The following TNIK variants were observed in gnomAD, a reference collection of about 807,000 sequenced individuals.
TNIK encodes the protein TRAF2 and NCK interacting kinase.
A neutral mutation model predicts 191.3 loss-of-function variants in TNIK; 49 were observed. The ratio of observed to expected loss-of-function variants is 0.26; its 90% confidence interval spans 0.20 to 0.32. The LOEUF (loss-of-function observed/expected upper bound fraction) is 0.32, where lower values mean the gene tolerates loss of function less well. Ranked by LOEUF, TNIK falls within the 10% of genes least tolerant of loss-of-function variation. The probability of loss-of-function intolerance (pLI) is 1.00; values close to 1 mark genes in which losing one functional copy is unlikely to be tolerated. For synonymous variants in TNIK, 594 were observed against 600.9 expected (o/e 0.99, Z 0.17); for missense variants, 1,155 against 1,702.3 (o/e 0.68, Z 5.66).
At chr3:171,449,100 G>A (rs984924528) in intron 1 of TNIK, among the ~76,000 whole-genome samples, 9 of 152,020 alleles carry the variant, frequency 5.9e-5, no homozygotes, top group African/African-American at 2.2e-4. Context: ...TTTTATGGCT[G>A]TGTAGCATTC....
intron 3 of TNIK, 54 bp downstream of exon 3, chr3:171,228,111 A>C (rs991759656): frequency 1.9e-6 from 3 of 1,594,868 alleles, no homozygotes; most frequent in Non-Finnish European, 2.6e-6. Context: ...TGAACTCATC[A>C]TAAGTCAAGG....
chr3:171,133,586 G>A (rs71306694), intron 15 of TNIK, among the ~76,000 whole-genome samples: 13,628 of 152,180 alleles, frequency 0.09, 685 homozygotes, highest in African/African-American at 0.13. Flanking sequence ...CAGGAGACAC[G>A]CCCTAGGTCA....
At chr3:171,234,846 C>T (rs985264612) in intron 2 of TNIK, among the ~76,000 whole-genome samples, 14 of 152,092 alleles carry the variant, frequency 9.2e-5, no homozygotes, top group Admixed American at 1.3e-4. Context: ...TGAGGGGTGA[C>T]GAGAACTCAA....
At chr3:171,243,812 G>C (rs147523955) in intron 2 of TNIK, among the ~76,000 whole-genome samples, 83 of 152,130 alleles carry the variant, frequency 5.5e-4, no homozygotes, top group African/African-American at 1.9e-3. Context: ...TCAACTCATG[G>C]CATCTTATTT....
chr3:171,343,019 C>A (rs756782249), intron 2 of TNIK, among the ~76,000 whole-genome samples: 17 of 152,302 alleles, frequency 1.1e-4, no homozygotes, highest in Admixed American at 2.0e-4. Flanking sequence ...AATAATGAGG[C>A]CCTCCCCAGC....
At chr3:171,179,723 T>C (rs1032413348) in intron 7 of TNIK, among the ~76,000 whole-genome samples, 4 of 152,206 alleles carry the variant, frequency 2.6e-5, no homozygotes, top group African/African-American at 9.6e-5. Context: ...GTGCTGGGAT[T>C]ACAGGCATGA....
intron 1 of TNIK, among the ~76,000 whole-genome samples, chr3:171,459,776 G>C (rs1435883347): frequency 1.3e-5 from 2 of 151,918 alleles, no homozygotes; most frequent in Admixed American, 1.3e-4. Context: ...ACGAGCCCTC[G>C]GGAGAGCCTA....
chr3:171,099,114 C>A (rs16855813), intron 22 of TNIK, among the ~76,000 whole-genome samples: 12,238 of 152,080 alleles, frequency 0.08, 1,620 homozygotes, highest in African/African-American at 0.27. Flanking sequence ...ATAGTAATAG[C>A]GCCTCTGAAT....
At chr3:171,073,760 A>G (rs951082737) in intron 28 of TNIK, among the ~76,000 whole-genome samples, 8 of 152,234 alleles carry the variant, frequency 5.3e-5, no homozygotes, top group African/African-American at 1.2e-4. Flanking sequence ...CAAATGCTCA[A>G]TATCACTGAA....
At chr3:171,201,523 G>A (rs73171528) in intron 4 of TNIK, among the ~76,000 whole-genome samples, 27,734 of 152,160 alleles carry the variant, frequency 0.18, 3,188 homozygotes, top group South Asian at 0.27. Context: ...TTCATCATGT[G>A]TGGCTGAAAA....
intron 2 of TNIK, among the ~76,000 whole-genome samples, chr3:171,301,687 A>C (rs1009894909): frequency 1.3e-5 from 2 of 152,212 alleles, no homozygotes; most frequent in African/African-American, 2.4e-5. Context: ...TCTATACTGA[A>C]GAAGACTAAA....
intron 16 of TNIK, among the ~76,000 whole-genome samples, chr3:171,128,389 G>T (rs577852561): frequency 2.6e-5 from 4 of 152,122 alleles, no homozygotes; most frequent in Non-Finnish European, 5.9e-5. Flanking sequence ...ACACCTCAAA[G>T]TTTCTATGAA....
chr3:171,131,184 A>G (rs972159759), intron 15 of TNIK, among the ~76,000 whole-genome samples: 1 of 151,372 alleles, frequency 6.6e-6, no homozygotes, highest in African/African-American at 2.4e-5. Context: ...TAAAAATACA[A>G]AAAATTAGCC....
At chr3:171,107,817 G>C (rs1368071628) in intron 20 of TNIK, among the ~76,000 whole-genome samples, 1 of 152,192 alleles carries the variant, frequency 6.6e-6, no homozygotes, top group Non-Finnish European at 1.5e-5. Flanking sequence ...GATAGGAGTT[G>C]TTTCTCTTCC....
At chr3:171,449,741 T>A (rs1422122408) in intron 1 of TNIK, among the ~76,000 whole-genome samples, 1 of 151,880 alleles carries the variant, frequency 6.6e-6, no homozygotes, top group African/African-American at 2.4e-5. Flanking sequence ...GCAATGACCA[T>A]TGCTTTTACA....
chr3:171,090,807 G>A (rs1013854922), intron 23 of TNIK, among the ~76,000 whole-genome samples: 1 of 152,204 alleles, frequency 6.6e-6, no homozygotes, highest in Admixed American at 6.5e-5. Flanking sequence ...ATAAGGGTAT[G>A]CACTACAAGG....
At chr3:171,288,645 A>T (rs1306190950) in intron 2 of TNIK, among the ~76,000 whole-genome samples, 1 of 152,060 alleles carries the variant, frequency 6.6e-6, no homozygotes, top group Non-Finnish European at 1.5e-5. Flanking sequence ...CGTCTCTACT[A>T]AAAATACAAA....
At chr3:171,093,551 G>C (rs1325635110) in intron 23 of TNIK, among the ~76,000 whole-genome samples, 1 of 152,140 alleles carries the variant, frequency 6.6e-6, no homozygotes, top group Non-Finnish European at 1.5e-5. Flanking sequence ...AAACATCTAA[G>C]TTTGCAATTT....
chr3:171,228,319 CT>C, intron 2 of TNIK, 98 bp from the exon 3 acceptor site: 4 of 1,227,560 alleles, frequency 3.3e-6, no homozygotes, highest in South Asian at 1.3e-5. Flanking sequence ...CAGTGCTGTA[CT>C]ATGTCAATGG....
Sources: allele counts gnomAD v4.1 joint callset (sites outside exome capture counted in the v4.1 genomes callset), GRCh38; gene constraint gnomAD v4.1.1; transcripts MANE v1.5; gene names NCBI Gene and HGNC (gene_info 2026-07-23, HGNC 2026-07-21).